Variants in GTF3C1 observed in about 807,000 individuals in gnomAD.
GTF3C1 encodes general transcription factor IIIC subunit 1.
In GTF3C1, 57 loss-of-function variants were observed where a neutral mutation model predicts 226.7. That is an observed-to-expected ratio of 0.25 (90% CI 0.20 to 0.31). The LOEUF is 0.31. Among genes scored for constraint, GTF3C1 ranks in the 10% least tolerant of loss-of-function variants. The pLI is 1.00. For missense variants in GTF3C1, 2,217 were observed against 2,776.1 expected, an observed-to-expected ratio of 0.80 and a Z score of 4.53; for synonymous variants, 1,090 against 1,084.8, an observed-to-expected ratio of 1.00 and a Z score of -0.09.
At chr16:27,475,725 G>A (rs1452550772) in intron 29 of GTF3C1, among the ~76,000 whole-genome samples, 10 of 152,170 alleles carry the variant, frequency 6.6e-5, no homozygotes, top group South Asian at 2.1e-4. Flanking sequence ...TAGAGCGGCC[G>A]CGTGGACCTG....
intron 27 of GTF3C1, among the ~76,000 whole-genome samples, chr16:27,479,728 CA>C (rs918859671): frequency 6.6e-6 from 1 of 152,134 alleles, no homozygotes; most frequent in African/African-American, 2.4e-5. Flanking sequence ...CTCGGCCTCC[CA>C]AACTGCTGGG....
At chr16:27,480,670 A>G (rs1438741171) in intron 27 of GTF3C1, 1 of 160,930 alleles carries the variant, frequency 6.2e-6, no homozygotes, top group Non-Finnish European at 1.4e-5. Context: ...TAAAAATTGT[A>G]CAGGGTTCTG....
chr16:27,540,764 AG>A (rs2089069460), intron 2 of GTF3C1, among the ~76,000 whole-genome samples: 1 of 152,212 alleles, frequency 6.6e-6, no homozygotes, highest in Non-Finnish European at 1.5e-5. Context: ...GTCATAGATG[AG>A]GAGCCCTAAT....
Position 27,545,542 on chromosome 16 carries a change from A to C in GTF3C1, c.222-19T>G. The C allele has an allele frequency of 7.1e-7, 1 of 1,411,084 alleles. No homozygotes were observed. Among genetic ancestry groups the C allele is most frequent in the Non-Finnish European group, 1.0e-6 (1 of 995,828 alleles). The allele number at this position is 1,411,084 out of a possible 1,614,324, so 87.4% of individuals were successfully genotyped here. A position where few individuals can be genotyped will look rare whatever the true frequency, so the allele number is the denominator to read the frequency against. On this transcript the variant is annotated intron_variant, in intron 1 of 36. Coordinates refer to ENST00000356183, the MANE Select transcript of GTF3C1 (RefSeq NM_001520.4). Reference sequence around the variant, plus strand: ...TTCATACCTAAGGAGAAAAACACAAATATCAAAGCCCAACTCAGCTTCAGA... The same window carrying C: ...TTCATACCTAAGGAGAAAAACACAACTATCAAAGCCCAACTCAGCTTCAGA...
At chr16:27,529,462 G>T (rs1482745341) in intron 5 of GTF3C1, among the ~76,000 whole-genome samples, 1 of 151,202 alleles carries the variant, frequency 6.6e-6, no homozygotes, top group African/African-American at 2.4e-5. Context: ...AAAAAATTGT[G>T]AAAATTTAAA....
At chr16:27,523,696 C>T (rs1882516247) in intron 6 of GTF3C1, among the ~76,000 whole-genome samples, 1 of 152,112 alleles carries the variant, frequency 6.6e-6, no homozygotes, top group Non-Finnish European at 1.5e-5. Flanking sequence ...GCATGTAAAG[C>T]GTGTGGTCAC....
rs766598415 is a variant in GTF3C1, at chr16:27,461,318, T to C, written c.*32A>G. The C allele has an allele frequency of 2.8e-6, 4 of 1,422,238 alleles. No homozygotes were observed. Among genetic ancestry groups the C allele is most frequent in the Middle Eastern group, 2.4e-4 (1 of 4,108 alleles). 88.1% of individuals were successfully genotyped at this position (1,422,238 alleles called of 1,614,324 possible). On this transcript the variant is annotated 3_prime_UTR_variant, in exon 37 of 37. Transcript: ENST00000356183. The surrounding 1 kb of genome is among the most constrained non-coding windows in gnomAD (Gnocchi z 5.3). ...CAGGCAGGAGTGGTGTGGCAGGCGG[T>C]GGCTGGGAGGGAGGGGACGCCCACA...
intron 12 of GTF3C1, among the ~76,000 whole-genome samples, chr16:27,500,705 G>A (rs542529975): frequency 1.2e-4 from 18 of 152,252 alleles, no homozygotes; most frequent in African/African-American, 3.6e-4. Flanking sequence ...GCATCCCCCC[G>A]CAAACTTTAA....
chr16:27,525,755 G>A (rs2088822983), intron 6 of GTF3C1, among the ~76,000 whole-genome samples: 1 of 152,222 alleles, frequency 6.6e-6, no homozygotes, highest in African/African-American at 2.4e-5. Context: ...GGTCTCCACA[G>A]GCAACTTGCT....
chr16:27,467,323 G>A (rs1302845663), intron 32 of GTF3C1, among the ~76,000 whole-genome samples: 1 of 152,188 alleles, frequency 6.6e-6, no homozygotes, highest in African/African-American at 2.4e-5. Context: ...AAACAGAACA[G>A]CAAAGCTGGA....
rs2087711417 is a variant in GTF3C1, at chr16:27,461,937, G to A, written c.6117+357C>T. 2.6e-6 allele frequency: 1 copy of A among 378,728 alleles called. No individual in the cohort carries two copies. Among genetic ancestry groups the A allele is most frequent in the Non-Finnish European group, 4.8e-6 (1 of 207,510 alleles). 23.5% of individuals were successfully genotyped at this position (378,728 alleles called of 1,614,324 possible). On this transcript the variant is annotated intron_variant, in intron 36 of 36. Coordinates refer to ENST00000356183, the MANE Select transcript of GTF3C1 (RefSeq NM_001520.4). The surrounding 1 kb of genome is among the most constrained non-coding windows in gnomAD (Gnocchi z 5.3). ...AACTTCAAGCTCCTAGCTGCCAGAG[G>A]AGCTGGAGGCCCCAGGCACACATGG...
intron 28 of GTF3C1, among the ~76,000 whole-genome samples, chr16:27,476,845 C>T (rs996175526): frequency 3.3e-5 from 5 of 151,908 alleles, no homozygotes; most frequent in Admixed American, 1.3e-4. Context: ...AGTTTTTCTC[C>T]GAAGAAAAAA....
At chr16:27,487,419 C>T (rs1460030295) in intron 23 of GTF3C1, among the ~76,000 whole-genome samples, 1 of 152,338 alleles carries the variant, frequency 6.6e-6, no homozygotes, top group South Asian at 2.1e-4. Flanking sequence ...CTTTCCACTC[C>T]CTCTGCTATA....
intron 28 of GTF3C1, among the ~76,000 whole-genome samples, chr16:27,477,492 A>C (rs2087968530): frequency 6.6e-6 from 1 of 152,038 alleles, no homozygotes; most frequent in Non-Finnish European, 1.5e-5. Flanking sequence ...TTAAGTAGAG[A>C]CGGGGTTTCA....
intron 25 of GTF3C1, among the ~76,000 whole-genome samples, 168 bp downstream of exon 25, chr16:27,484,043 C>T (rs1340880790): frequency 6.6e-6 from 1 of 152,158 alleles, no homozygotes; most frequent in African/African-American, 2.4e-5. Flanking sequence ...CAGAATCATG[C>T]TTGGCCCTCA....
chr16:27,479,231 AATT>A (rs1338424454), intron 27 of GTF3C1, among the ~76,000 whole-genome samples: 1 of 152,188 alleles, frequency 6.6e-6, no homozygotes, highest in Non-Finnish European at 1.5e-5. Flanking sequence ...AAATATATAA[AATT>A]ATTATTCATC....
chr16:27,542,533 C>T (rs2089099712), intron 2 of GTF3C1, among the ~76,000 whole-genome samples: 1 of 151,632 alleles, frequency 6.6e-6, no homozygotes, highest in African/African-American at 2.4e-5. Context: ...TGGACTCCAG[C>T]CTGGGCGACA....
At chr16:27,518,248 A>G (rs939444200) in intron 6 of GTF3C1, among the ~76,000 whole-genome samples, 1 of 152,092 alleles carries the variant, frequency 6.6e-6, no homozygotes, top group Non-Finnish European at 1.5e-5. Flanking sequence ...TTCAGGGAAC[A>G]CTGAATGACG....
chr16:27,476,589 G>A, intron 28 of GTF3C1, 45 bp from the exon 29 acceptor site: 1 of 1,077,788 alleles, frequency 9.3e-7, no homozygotes, highest in Non-Finnish European at 1.4e-6. Flanking sequence ...CACAGGCACT[G>A]CTCAGCTCAG....
Sources: allele counts gnomAD v4.1 joint callset (sites outside exome capture counted in the v4.1 genomes callset), GRCh38; gene constraint gnomAD v4.1.1; non-coding constraint Gnocchi (gnomAD v3.1); transcripts MANE v1.5; gene names NCBI Gene and HGNC (gene_info 2026-07-23, HGNC 2026-07-21).